The following INO80 variants were observed in gnomAD, a reference collection of about 807,000 sequenced individuals.
The protein encoded by INO80 is chromatin-remodeling ATPase INO80.
Under a neutral mutation model 203.4 loss-of-function variants are expected in INO80, and 20 were observed. The ratio of observed to expected loss-of-function variants is 0.10; its 90% confidence interval spans 0.07 to 0.14. INO80 has a LOEUF of 0.14. INO80 is among the 10% of genes least tolerant of loss of function. The pLI, the probability that INO80 is intolerant of heterozygous loss-of-function variation, is 1.00. For synonymous variants in INO80, 726 were observed against 685.2 expected, an observed-to-expected ratio of 1.06 and a Z score of -0.93; for missense variants, 1,419 against 1,914.4, an observed-to-expected ratio of 0.74 and a Z score of 4.83.
chr15:41,021,961 T>C (rs2044300970), intron 25 of INO80, among the ~76,000 whole-genome samples: 1 of 152,252 alleles, frequency 6.6e-6, no homozygotes, highest in Non-Finnish European at 1.5e-5. Flanking sequence ...GGTAAGGAAC[T>C]TGAAGATGAC....
intron 26 of INO80, chr15:41,019,448 A>G (rs1034128082): frequency 6.6e-6 from 1 of 152,060 alleles, no homozygotes; most frequent in Non-Finnish European, 1.5e-5. Context: ...AACAAGGTCC[A>G]TTTTTCTTTC....
In INO80 at chr15:41,097,930, G is replaced by A. The variant is rs1000981579; in HGVS notation, c.-43-1577C>T. 5.3e-5 allele frequency among the ~76,000 whole-genome samples: 8 copies of A among 152,124 alleles called. 1 individual carries two copies. The highest frequency in any genetic ancestry group is 4.6e-4 in the Admixed American group (7 of 15,258). On this transcript the variant is annotated intron_variant, in intron 1 of 35. Coordinates refer to ENST00000648947, the MANE Select transcript of INO80 (RefSeq NM_017553.3). ...ACTGTGCCACTGCACTCCAGGCTGGGCAACGAGAGCAAAACCCCATCTCAA... is the reference window on the plus strand; with the variant it reads ...ACTGTGCCACTGCACTCCAGGCTGGACAACGAGAGCAAAACCCCATCTCAA...
intron 27 of INO80, among the ~76,000 whole-genome samples, chr15:41,015,187 C>G (rs2044185061): frequency 6.6e-6 from 1 of 152,126 alleles, no homozygotes; most frequent in South Asian, 2.1e-4. Flanking sequence ...ACAAAAGCTG[C>G]CTTGCACAGT....
intron 1 of INO80, 104 bp from the exon 2 acceptor site, chr15:41,096,457 CA>C: frequency 1.4e-6 from 1 of 720,790 alleles, no homozygotes. Context: ...TTCTAGAACA[CA>C]AGACACTGAA....
intron 35 of INO80, 80 bp from the exon 36 acceptor site, chr15:40,980,520 A>G: frequency 9.4e-7 from 1 of 1,061,364 alleles, no homozygotes; most frequent in Non-Finnish European, 1.4e-6. Flanking sequence ...TGGTTACCAG[A>G]GTCTGAGCTG....
chr15:41,061,450 C>CAAAAAAA (rs980593225), intron 14 of INO80, among the ~76,000 whole-genome samples: 11 of 66,916 alleles, frequency 1.6e-4, no homozygotes, highest in African/African-American at 3.2e-4. Context: ...ACCAAAAATA[C>CAAAAAAA]AAAAAAAAAA....
Position 41,027,655 on chromosome 15 carries a change from A to C in INO80, c.2989T>G (p.Ser997Ala). The C allele has an allele frequency of 1.2e-6, 2 of 1,614,030 alleles. No individual in the cohort carries two copies. Among genetic ancestry groups the C allele is most frequent in the Non-Finnish European group, 1.7e-6 (2 of 1,179,930 alleles). Residue 997 changes from serine (S) to alanine (A), a missense_variant, in exon 25 of 36, where the codon TCG (serine) becomes GCG (alanine). This residue lies in a region of INO80 where 302 missense variants were observed against 345.4 expected (regional missense o/e 0.87). Coordinates refer to ENST00000648947, the MANE Select transcript of INO80 (RefSeq NM_017553.3). ...VVHQRRSATS[S>A]LRRCLLTELP... Reference sequence around the variant, plus strand: ...TCAGTGAGCAGGCAGCGACGCAGCGAGGAGGTAGCTGATCTCCGCTGATGG... The same window carrying C: ...TCAGTGAGCAGGCAGCGACGCAGCGCGGAGGTAGCTGATCTCCGCTGATGG...
intron 24 of INO80, among the ~76,000 whole-genome samples, chr15:41,033,417 T>C (rs1355779210): frequency 6.6e-6 from 1 of 150,802 alleles, no homozygotes; most frequent in Non-Finnish European, 1.5e-5. Flanking sequence ...CACTGTAATC[T>C]CAAACTCCTG....
intron 27 of INO80, among the ~76,000 whole-genome samples, chr15:41,012,182 T>A (rs2044141630): frequency 6.6e-6 from 1 of 152,200 alleles, no homozygotes. Flanking sequence ...AAACTGGTGG[T>A]AGCAGGAAAA....
chr15:40,983,122 T>C lies in INO80; in HGVS notation c.4238-45A>G, dbSNP rs377259500. 1.5e-3 allele frequency: 1,970 copies of C among 1,336,846 alleles called. 1 individual carries two copies. Among genetic ancestry groups the C allele is most frequent in the Non-Finnish European group, 2.0e-3 (1,853 of 948,158 alleles). The allele number at this position is 1,336,846 out of a possible 1,614,324, so 82.8% of individuals were successfully genotyped here. ...AAAAGGGAAAGAAAAAAAAAAAAAG[T>C]CAATCTCCAAGATGTTAACATCACC... On this transcript the variant is annotated intron_variant, in intron 34 of 35. Coordinates refer to ENST00000648947, the MANE Select transcript of INO80 (RefSeq NM_017553.3).
chr15:41,028,787 C>T (rs1238097870), intron 24 of INO80, among the ~76,000 whole-genome samples: 3 of 152,000 alleles, frequency 2.0e-5, no homozygotes, highest in South Asian at 4.1e-4. Context: ...ACCCAGGAGG[C>T]GGAGGTTGCA....
At chr15:40,998,621 G>A (rs1334553011) in intron 28 of INO80, among the ~76,000 whole-genome samples, 1 of 151,150 alleles carries the variant, frequency 6.6e-6, no homozygotes, top group Non-Finnish European at 1.5e-5. Context: ...TGTCTTCTGG[G>A]AACAAGCCCA....
intron 7 of INO80, 110 bp from the exon 8 acceptor site, chr15:41,081,183 A>T: frequency 1.4e-6 from 1 of 692,850 alleles, no homozygotes; most frequent in Non-Finnish European, 2.5e-6. Context: ...ATGTCAAGCC[A>T]AGCAAGATAT....
At chr15:41,064,651 C>T (rs892874588) in intron 14 of INO80, among the ~76,000 whole-genome samples, 1 of 152,108 alleles carries the variant, frequency 6.6e-6, no homozygotes, top group Admixed American at 6.6e-5. Flanking sequence ...AAATGTACAT[C>T]TATTAGAAGC....
intron 35 of INO80, among the ~76,000 whole-genome samples, chr15:40,982,634 A>G (rs1234716716): frequency 1.3e-5 from 2 of 152,364 alleles, no homozygotes; most frequent in East Asian, 3.9e-4. Context: ...ACAGTTCACA[A>G]TTCAGCTCTC....
intron 29 of INO80, among the ~76,000 whole-genome samples, chr15:40,995,224 C>A (rs1013988119): frequency 3.3e-5 from 5 of 152,074 alleles, no homozygotes; most frequent in Admixed American, 1.3e-4. Flanking sequence ...TAATTACTTA[C>A]AATGTATTTT....
intron 1 of INO80, among the ~76,000 whole-genome samples, chr15:41,106,620 C>A (rs887399990): frequency 1.3e-5 from 2 of 151,810 alleles, no homozygotes; most frequent in African/African-American, 4.8e-5. Flanking sequence ...AGGGCAAGAC[C>A]CCTGTCTCAA....
intron 7 of INO80, among the ~76,000 whole-genome samples, chr15:41,084,271 T>C (rs1280176443): frequency 6.6e-6 from 1 of 151,170 alleles, no homozygotes; most frequent in African/African-American, 2.4e-5. Context: ...CAAAATAACA[T>C]GTTATTGGCT....
chr15:41,039,642 T>C (rs1011404326), intron 24 of INO80, among the ~76,000 whole-genome samples: 2 of 152,188 alleles, frequency 1.3e-5, no homozygotes, highest in African/African-American at 4.8e-5. Context: ...CACCAGACAA[T>C]TCCCAAAGAT....
Sources: gnomAD v4.1 joint callset for allele counts (sites outside exome capture counted in the v4.1 genomes callset) on GRCh38, gnomAD v4.1.1 for gene constraint, gnomAD v4.1.1 regional missense constraint, MANE v1.5 for transcripts, NCBI Gene and HGNC (gene_info 2026-07-23, HGNC 2026-07-21) for gene names.